OSM: variants seen among roughly 807,000 people sequenced by gnomAD.
The protein encoded by OSM is oncostatin M, also known as oncostatin-M.
In OSM, 1 loss-of-function variant was observed where a neutral mutation model predicts 6.3. That is an observed-to-expected ratio of 0.16 (90% CI 0.06 to 0.76). The LOEUF is 0.76. OSM is among the 30% of genes least tolerant of loss of function. The pLI is 0.77. For synonymous variants in OSM, 135 were observed against 143.4 expected (o/e 0.94, Z 0.42); for missense variants, 324 against 336.9 (o/e 0.96, Z 0.30).
Position 30,264,214 on chromosome 22 carries a change from A to T in OSM, c.428T>A (p.Ile143Asn). 1 of 1,614,014 alleles carries T rather than the reference A, an allele frequency of 6.2e-7. No homozygotes were observed. Among genetic ancestry groups the T allele is most frequent in the Non-Finnish European group, 8.5e-7 (1 of 1,180,020 alleles). ...GTAGATGTTGTTCCTGAGCCCGAGG[A>T]TGTTCGGCCTCGCCATCTGCAGCTT... ...LEKLQMARPN[I>N]LGLRNNIYCM... Residue 143 changes from isoleucine to asparagine, a missense_variant, in exon 3 of 3, where the codon ATC (isoleucine) becomes AAC (asparagine). Ile to Asn is a moderately radical substitution (Grantham distance 149). Transcript: ENST00000215781.
rs1354734579 is a variant in OSM at position 30,263,687 on chromosome 22, G to A, written c.*196C>T. 1.8e-5 allele frequency: 8 copies of A among 436,742 alleles called. No individual in the cohort carries two copies. Among genetic ancestry groups the A allele is most frequent in the South Asian group, 7.7e-5 (1 of 12,908 alleles). 27.1% of individuals were successfully genotyped at this position (436,742 alleles called of 1,614,324 possible). On this transcript the variant is annotated 3_prime_UTR_variant, in exon 3 of 3. Coordinates refer to ENST00000215781, the MANE Select transcript of OSM (RefSeq NM_020530.6). ...GGGAACTTGGGGCTGAGGTGGGAGC[G>A]CAACAGCCTGACTCTGTCTCCCAGC...
At position 30,266,235 on chromosome 22, in the gene OSM, G is replaced by A. The variant is rs1176473012; in HGVS notation, c.34+531C>T. 6.6e-6 allele frequency among the ~76,000 whole-genome samples: 1 copy of A among 152,198 alleles called. No homozygotes were observed. Among genetic ancestry groups the A allele is most frequent in the Non-Finnish European group, 1.5e-5 (1 of 68,022 alleles). On this transcript the variant is annotated intron_variant, in intron 1 of 2. Coordinates refer to ENST00000215781, the MANE Select transcript of OSM (RefSeq NM_020530.6). The surrounding 1 kb of genome is among the most constrained non-coding windows in gnomAD (Gnocchi z 5.0). ...TGTTCCGTTCACCATGGGGACTCTG[G>A]TCTGCATGTGGGGGTTCCTGGGCTG...
intron 1 of OSM, chr22:30,265,509 C>T: frequency 2.9e-6 from 2 of 686,610 alleles, no homozygotes; most frequent in Non-Finnish European, 3.7e-6. Context: ...GTGGGACTGG[C>T]TCCCTGCAAG....
chr22:30,264,055 T>C lies in OSM; in HGVS notation c.587A>G (p.His196Arg). 1.3e-6 allele frequency: 2 copies of C among 1,588,916 alleles called. No homozygotes were observed. The highest frequency in any genetic ancestry group is 1.7e-6 in the Non-Finnish European group (2 of 1,164,872). Residue 196 changes from histidine to arginine, a missense_variant, in exon 3 of 3, where the codon CAT (histidine) becomes CGT (arginine). Coordinates refer to ENST00000215781, the MANE Select transcript of OSM (RefSeq NM_020530.6). ...QRKLEGCRFLHGYHRFMHSVG... is the reference protein window; with the variant it reads ...QRKLEGCRFLRGYHRFMHSVG... ...TGAGTGCATGAAGCGATGGTAGCCA[T>C]GCAGGAACCTGCAGCCCTCCAGCTT...
Position 30,264,156 on chromosome 22 carries a change from C to T in OSM, c.486G>A (p.Thr162=), listed in dbSNP as rs1160446606. The T allele has an allele frequency of 8.7e-6, 14 of 1,613,718 alleles. No individual in the cohort carries two copies. Among genetic ancestry groups the T allele is most frequent in the Non-Finnish European group, 1.2e-5 (14 of 1,179,984 alleles). The change falls in exon 3 of 3, where the codon ACG becomes ACA. Residue 162 remains threonine (T), a synonymous_variant. Coordinates refer to ENST00000215781, the MANE Select transcript of OSM (RefSeq NM_020530.6). ...CCCGGCCAGCCTTCGTGGGCTCAGC[C>T]GTGTCTGAGTTGTCCAGCAGCTGGG... The part of the protein sequence containing the change: ...CMAQLLDNSD[T]AEPTKAGRGA...
In OSM at chr22:30,265,088, A is replaced by G. The variant is rs1929356583; in HGVS notation, c.91T>C (p.Cys31Arg). ...AGGAGCACGCGGTACTCTTTCGAGC[A>G]GCTGCCTATAGCCGCCATGCTCGCC... ...SMASMAAIGS[C>R]SKEYRVLLGQ... is the part of the protein sequence containing the mutation. Residue 31 changes from cysteine to arginine, a missense_variant, in exon 2 of 3, where the codon TGC (cysteine) becomes CGC (arginine). Cys to Arg is a radical substitution (Grantham distance 180). Coordinates refer to ENST00000215781, the MANE Select transcript of OSM (RefSeq NM_020530.6). 2 of 1,614,170 alleles carry G rather than the reference A, an allele frequency of 1.2e-6. No homozygotes were observed. The highest frequency in any genetic ancestry group is 1.7e-6 in the Non-Finnish European group (2 of 1,180,008).
At chr22:30,264,635 G>A (rs1253257251) in intron 2 of OSM, among the ~76,000 whole-genome samples, 171 bp from the exon 3 acceptor site, 1 of 152,194 alleles carries the variant, frequency 6.6e-6, no homozygotes, top group Non-Finnish European at 1.5e-5. Context: ...TGCAGGCAAG[G>A]TCGGAGTGAT....
In OSM at chr22:30,266,717, T is replaced by C. The variant is rs1601655008; in HGVS notation, c.34+49A>G. ...TGCCTCTGCTCCCCACCGGCACCCGTGGGCAGACCCAGCAGGCGGGTTCTG... is the reference window on the plus strand; with the variant it reads ...TGCCTCTGCTCCCCACCGGCACCCGCGGGCAGACCCAGCAGGCGGGTTCTG... On this transcript the variant is annotated intron_variant, in intron 1 of 2. Transcript: ENST00000215781. The surrounding 1 kb of genome is among the most constrained non-coding windows in gnomAD (Gnocchi z 5.0). The C allele has an allele frequency of 6.2e-7, 1 of 1,609,286 alleles. No homozygotes were observed. Among genetic ancestry groups the C allele is most frequent in the Non-Finnish European group, 8.5e-7 (1 of 1,176,520 alleles).
rs779681018 is a variant in OSM at position 30,266,848 on chromosome 22, G to T, written c.-49C>A. 6.2e-7 allele frequency: 1 copy of T among 1,600,416 alleles called. No homozygotes were observed. Among genetic ancestry groups the T allele is most frequent in the South Asian group, 1.1e-5 (1 of 90,410 alleles). On this transcript the variant is annotated 5_prime_UTR_variant, in exon 1 of 3. Coordinates refer to ENST00000215781, the MANE Select transcript of OSM (RefSeq NM_020530.6). This position sits in a 1 kb window ranked among gnomAD's most constrained non-coding sequence, Gnocchi z 5.0. Reference sequence around the variant, plus strand: ...GCGCCCGCTGGGGGTGACACCTCTCGGCTGGGAGCCCTGCAGGCTGGCAGC... The same window carrying T: ...GCGCCCGCTGGGGGTGACACCTCTCTGCTGGGAGCCCTGCAGGCTGGCAGC...
rs1929397349 is a variant in OSM, at chr22:30,266,604, CT to C, written c.34+161del. Among the ~76,000 whole-genome samples, 1 of 152,202 alleles carries C rather than the reference CT, an allele frequency of 6.6e-6. No individual in the cohort carries two copies. The highest frequency in any genetic ancestry group is 1.5e-5 in the Non-Finnish European group (1 of 68,018). ...GAGATGCCAGGTTCTCAGTGGACCA[CT>C]CTCTCTGCCTGACCTCCTGGCTCTC... On this transcript the variant is annotated intron_variant, in intron 1 of 2. Coordinates refer to ENST00000215781, the MANE Select transcript of OSM (RefSeq NM_020530.6). This position sits in a 1 kb window ranked among gnomAD's most constrained non-coding sequence, Gnocchi z 5.0.
rs1929277737 is a variant in OSM, at chr22:30,263,019, A to C, written c.*864T>G. On this transcript the variant is annotated 3_prime_UTR_variant, in exon 3 of 3. Transcript: ENST00000215781. ...GGAGAGCAATGGCTCCTGCGTGAGAAAATTCCAGGATCCACCACCAGGGGG... is the reference window on the plus strand; with the variant it reads ...GGAGAGCAATGGCTCCTGCGTGAGACAATTCCAGGATCCACCACCAGGGGG... The C allele has an allele frequency of 6.5e-6, 1 of 152,704 alleles. No individual in the cohort carries two copies. The highest frequency in any genetic ancestry group is 2.4e-5 in the African/African-American group (1 of 41,452). 9.5% of individuals were successfully genotyped at this position (152,704 alleles called of 1,614,324 possible).
Position 30,266,072 on chromosome 22 carries a change from G to A in OSM, c.34+694C>T, listed in dbSNP as rs1011478045. Among the ~76,000 whole-genome samples the A allele has an allele frequency of 6.6e-6, 1 of 152,248 alleles. No individual in the cohort carries two copies. Among genetic ancestry groups the A allele is most frequent in the Non-Finnish European group, 1.5e-5 (1 of 68,038 alleles). On this transcript the variant is annotated intron_variant, in intron 1 of 2. Coordinates refer to ENST00000215781, the MANE Select transcript of OSM (RefSeq NM_020530.6). This position sits in a 1 kb window ranked among gnomAD's most constrained non-coding sequence, Gnocchi z 5.0. The stretch of plus-strand genomic sequence containing the variant: ...AAGGGGCCAGGCACCCAGGCTTAGC[G>A]ACCCCACGGCACCCTCGCCGCCTCC...
In OSM at chr22:30,263,653, C is replaced by T; in HGVS notation, c.*230G>A. ...CCGCGTGGCCCGCCCGGCCACCCCACTGGGCCTGGGGAACTTGGGGCTGAG... is the reference window on the plus strand; with the variant it reads ...CCGCGTGGCCCGCCCGGCCACCCCATTGGGCCTGGGGAACTTGGGGCTGAG... On this transcript the variant is annotated 3_prime_UTR_variant, in exon 3 of 3. Transcript: ENST00000215781. The T allele has an allele frequency of 2.4e-6, 1 of 415,922 alleles. No individual in the cohort carries two copies. Among genetic ancestry groups the T allele is most frequent in the East Asian group, 3.5e-5 (1 of 28,652 alleles). 25.8% of individuals were successfully genotyped at this position (415,922 alleles called of 1,614,324 possible).
chr22:30,266,827 C>T lies in OSM; in HGVS notation c.-28G>A, dbSNP rs1929404728. On this transcript the variant is annotated 5_prime_UTR_variant, in exon 1 of 3. Transcript: ENST00000215781. The surrounding 1 kb of genome is among the most constrained non-coding windows in gnomAD (Gnocchi z 5.0). ...TGGGTGCCCGTGCTCCGGCCCGCGCCCGCTGGGGGTGACACCTCTCGGCTG... is the reference window on the plus strand; with the variant it reads ...TGGGTGCCCGTGCTCCGGCCCGCGCTCGCTGGGGGTGACACCTCTCGGCTG... The T allele has an allele frequency of 6.2e-7, 1 of 1,609,082 alleles. No homozygotes were observed. The highest frequency in any genetic ancestry group is 8.5e-7 in the Non-Finnish European group (1 of 1,177,224).
intron 2 of OSM, among the ~76,000 whole-genome samples, chr22:30,264,721 G>A (rs539955348): frequency 2.6e-5 from 4 of 152,330 alleles, no homozygotes; most frequent in Non-Finnish European, 5.9e-5. Flanking sequence ...TCACTGCTAC[G>A]TCCCAGTGCC....
Position 30,264,327 on chromosome 22 carries a change from G to C in OSM, c.315C>G (p.Cys105Trp), listed in dbSNP as rs200746373. The change falls in exon 3 of 3, where the codon TGC (cysteine) becomes TGG (tryptophan). Residue 105 changes from cysteine to tryptophan, a missense_variant. Cys to Trp is a radical substitution (Grantham distance 215). Transcript: ENST00000215781. Reference protein sequence around the residue: ...FLQTLNATLGCVLHRLADLEQ... With the variant: ...FLQTLNATLGWVLHRLADLEQ... ...CTAAGTCGGCCAGTCTGTGCAGGAC[G>C]CAGCCCAGTGTGGCATTGAGGGTCT... 1.9e-6 allele frequency: 3 copies of C among 1,613,964 alleles called. No homozygotes were observed. The highest frequency in any genetic ancestry group is 2.5e-6 in the Non-Finnish European group (3 of 1,180,020).
At chr22:30,265,481 G>T in intron 1 of OSM, 1 of 954,634 alleles carries the variant, frequency 1.0e-6, no homozygotes, top group Non-Finnish European at 1.3e-6. Flanking sequence ...CTAACCTCGG[G>T]AGCTGACTCT....
At position 30,262,954 on chromosome 22, in the gene OSM, C is replaced by T. The variant is rs1929275918; in HGVS notation, c.*929G>A. 1.3e-5 allele frequency: 2 copies of T among 152,762 alleles called. No homozygotes were observed. Among genetic ancestry groups the T allele is most frequent in the South Asian group, 4.1e-4 (2 of 4,836 alleles). The allele number at this position is 152,762 out of a possible 1,614,324, so 9.5% of individuals were successfully genotyped here. ...AAAAATCGATAAATTAGTCATGTCC[C>T]TCCAAGGAACTGGCCTCGCAGTTTC... On this transcript the variant is annotated 3_prime_UTR_variant, in exon 3 of 3. Transcript: ENST00000215781.
chr22:30,266,684 G>A lies in OSM; in HGVS notation c.34+82C>T. ...GCCTGGCCTCCCCAGTTCCCGGAGG[G>A]CAGAGGGTGCCTCTGCTCCCCACCG... is the stretch of plus-strand genomic sequence containing the variant. On this transcript the variant is annotated intron_variant, in intron 1 of 2. Transcript: ENST00000215781. The surrounding 1 kb of genome is among the most constrained non-coding windows in gnomAD (Gnocchi z 5.0). 3.3e-6 allele frequency: 5 copies of A among 1,509,814 alleles called. No individual in the cohort carries two copies. The highest frequency in any genetic ancestry group is 4.6e-6 in the Non-Finnish European group (5 of 1,090,972). The allele number at this position is 1,509,814 out of a possible 1,614,324, so 93.5% of individuals were successfully genotyped here.
Sources: gnomAD v4.1 joint callset for allele counts (sites outside exome capture counted in the v4.1 genomes callset) on GRCh38, gnomAD v4.1.1 for gene constraint, Gnocchi (gnomAD v3.1) non-coding constraint, MANE v1.5 for transcripts, NCBI Gene and HGNC (gene_info 2026-07-23, HGNC 2026-07-21) for gene names.